CNTN5: variants seen among roughly 807,000 people sequenced by gnomAD.
CNTN5 encodes the protein contactin 5.
Under a neutral mutation model 129.1 loss-of-function variants are expected in CNTN5, and 77 were observed. The ratio of observed to expected loss-of-function variants is 0.60; its 90% CI spans 0.50 to 0.72. The LOEUF (loss-of-function observed/expected upper bound fraction) is 0.72, where lower values mean the gene tolerates loss of function less well. CNTN5 is among the 30% of genes least tolerant of loss of function. CNTN5 has a pLI of 0.00. For synonymous variants in CNTN5, 509 were observed against 465.6 expected (o/e 1.09, Z -1.20); for missense variants, 1,478 against 1,328.8 (o/e 1.11, Z -1.75).
intron 2 of CNTN5, among the ~76,000 whole-genome samples, chr11:99,414,295 A>G (rs1479873710): frequency 1.3e-5 from 2 of 152,056 alleles, no homozygotes; most frequent in Non-Finnish European, 2.9e-5. Context: ...GAAAGTTTTG[A>G]GCTGGGTGTG....
intron 3 of CNTN5, among the ~76,000 whole-genome samples, chr11:99,678,356 C>G (rs4754641): frequency 0.031 from 4,752 of 151,948 alleles, 112 homozygotes; most frequent in Admixed American, 0.072. Context: ...ATATATGATT[C>G]AAATATATGG....
chr11:99,324,831 C>T (rs1183333535), intron 1 of CNTN5, among the ~76,000 whole-genome samples: 3 of 152,018 alleles, frequency 2.0e-5, no homozygotes, highest in East Asian at 1.9e-4. Context: ...TTAGTAGAGA[C>T]GGGGTTTCAC....
At chr11:100,129,005 CAG>C (rs1368576629) in intron 13 of CNTN5, among the ~76,000 whole-genome samples, 1 of 152,050 alleles carries the variant, frequency 6.6e-6, no homozygotes, top group Non-Finnish European at 1.5e-5. Context: ...AATTTGTTTA[CAG>C]AGTTTGTTTT....
chr11:99,137,446 C>T (rs931083085), intron 1 of CNTN5, among the ~76,000 whole-genome samples: 8 of 152,064 alleles, frequency 5.3e-5, no homozygotes, highest in East Asian at 1.9e-4. Flanking sequence ...GCTCATTATA[C>T]GAGGTAGTTT....
chr11:99,098,563 G>T (rs998386629), intron 1 of CNTN5, among the ~76,000 whole-genome samples: 1 of 151,996 alleles, frequency 6.6e-6, no homozygotes, highest in Non-Finnish European at 1.5e-5. Flanking sequence ...CTGACTTTTG[G>T]CAAATAAAAA....
intron 3 of CNTN5, among the ~76,000 whole-genome samples, chr11:99,735,836 A>C (rs1171676397): frequency 6.6e-6 from 1 of 152,160 alleles, no homozygotes; most frequent in Admixed American, 6.6e-5. Flanking sequence ...TCAGGTATAC[A>C]ATACGGTATT....
intron 1 of CNTN5, among the ~76,000 whole-genome samples, chr11:99,079,354 A>G (rs1865703213): frequency 6.6e-6 from 1 of 152,200 alleles, no homozygotes; most frequent in Non-Finnish European, 1.5e-5. Context: ...CAGCAAATCC[A>G]TAAAGAAATG....
intron 13 of CNTN5, among the ~76,000 whole-genome samples, chr11:100,087,414 A>T (rs763388222): frequency 2.0e-5 from 3 of 151,926 alleles, no homozygotes; most frequent in Non-Finnish European, 4.4e-5. Flanking sequence ...ATAAGAACAA[A>T]TGATCCCAAT....
At position 99,325,402 on chromosome 11, in the gene CNTN5, G is replaced by A. The variant is rs997459974; in HGVS notation, c.-153G>A. 2 of 151,942 alleles carry A rather than the reference G, an allele frequency of 1.3e-5. No individual in the cohort carries two copies. Among genetic ancestry groups the A allele is most frequent in the Non-Finnish European group, 2.9e-5 (2 of 67,992 alleles). 9.4% of individuals were successfully genotyped at this position (151,942 alleles called of 1,614,324 possible). A position where few individuals can be genotyped will look rare whatever the true frequency, so the allele number is the denominator to read the frequency against. On this transcript the variant is annotated 5_prime_UTR_variant, in exon 2 of 25. Coordinates refer to ENST00000524871, the MANE Select transcript of CNTN5 (RefSeq NM_014361.4). Reference sequence around the variant, plus strand: ...TCAAGATCTACTAAGCATCATTTTTGCATGACTACTGCAAAAGGATTACTT... The same window carrying A: ...TCAAGATCTACTAAGCATCATTTTTACATGACTACTGCAAAAGGATTACTT...
intron 3 of CNTN5, among the ~76,000 whole-genome samples, chr11:99,581,581 A>G (rs1949594991): frequency 6.6e-6 from 1 of 151,954 alleles, no homozygotes; most frequent in South Asian, 2.1e-4. Flanking sequence ...CTTTACCGTT[A>G]TGTAATGGCC....
intron 2 of CNTN5, among the ~76,000 whole-genome samples, chr11:99,555,849 C>A (rs1255423593): frequency 6.6e-6 from 1 of 151,778 alleles, no homozygotes; most frequent in African/African-American, 2.4e-5. Context: ...ATTACACATT[C>A]CCTGTGAGGA....
chr11:99,591,165 C>A (rs1376031524), intron 3 of CNTN5, among the ~76,000 whole-genome samples: 5 of 151,842 alleles, frequency 3.3e-5, no homozygotes, highest in Non-Finnish European at 7.4e-5. Flanking sequence ...TTATCTTAGG[C>A]CCGTGTATCT....
chr11:99,039,539 T>A (rs1187431007), intron 1 of CNTN5, among the ~76,000 whole-genome samples: 1 of 152,172 alleles, frequency 6.6e-6, no homozygotes, highest in African/African-American at 2.4e-5. Flanking sequence ...AGACCAAGAC[T>A]TCCCCTTGAG....
chr11:100,006,971 A>G (rs1330658325), intron 9 of CNTN5, among the ~76,000 whole-genome samples: 1 of 152,134 alleles, frequency 6.6e-6, no homozygotes, highest in Non-Finnish European at 1.5e-5. Context: ...TGAAAATAAC[A>G]TTAATATTGC....
At chr11:99,355,213 G>T (rs751244540) in intron 2 of CNTN5, among the ~76,000 whole-genome samples, 3 of 151,988 alleles carry the variant, frequency 2.0e-5, no homozygotes, top group Admixed American at 6.6e-5. Context: ...TGTATTATTT[G>T]TCTGTTTACT....
At chr11:99,396,239 G>T (rs1941518047) in intron 2 of CNTN5, among the ~76,000 whole-genome samples, 1 of 150,870 alleles carries the variant, frequency 6.6e-6, no homozygotes, top group African/African-American at 2.4e-5. Flanking sequence ...ATTATTTTGT[G>T]CTCATTATTA....
chr11:99,789,822 C>T (rs1225788873), intron 3 of CNTN5, among the ~76,000 whole-genome samples: 1 of 151,904 alleles, frequency 6.6e-6, no homozygotes, highest in Non-Finnish European at 1.5e-5. Flanking sequence ...AGGTTTGTTA[C>T]ATGGTTATAT....
chr11:99,236,624 T>C (rs1158109171), intron 1 of CNTN5, among the ~76,000 whole-genome samples: 1 of 152,128 alleles, frequency 6.6e-6, no homozygotes, highest in Non-Finnish European at 1.5e-5. Context: ...CAGATAGTTA[T>C]AATATTTTTC....
At chr11:100,038,722 A>G (rs1373864520) in intron 9 of CNTN5, among the ~76,000 whole-genome samples, 3 of 151,970 alleles carry the variant, frequency 2.0e-5, no homozygotes, top group South Asian at 2.1e-4. Flanking sequence ...CCATTATGTA[A>G]TGGCCTTCTT....
Sources: gnomAD v4.1 joint callset for allele counts (sites outside exome capture counted in the v4.1 genomes callset) on GRCh38, gnomAD v4.1.1 for gene constraint, MANE v1.5 for transcripts, NCBI Gene and HGNC (gene_info 2026-07-23, HGNC 2026-07-21) for gene names.